MGA: variants seen among roughly 807,000 people sequenced by gnomAD.
MGA encodes MAX gene-associated protein.
In MGA, 40 loss-of-function variants were observed where a neutral mutation model predicts 261.1. That is an observed-to-expected ratio of 0.15 (90% CI 0.12 to 0.20). The LOEUF (loss-of-function observed/expected upper bound fraction) is 0.20, where lower values mean the gene tolerates loss of function less well. Ranked by LOEUF, MGA falls within the 10% of genes least tolerant of loss-of-function variation. The probability of loss-of-function intolerance (pLI) is 1.00; values close to 1 mark genes in which losing one functional copy is unlikely to be tolerated. For missense variants in MGA, 3,397 were observed against 3,630.5 expected (o/e 0.94, Z 1.65); for synonymous variants, 1,302 against 1,290.6 (o/e 1.01, Z -0.19).
At chr15:41,726,682 T>C (rs1484472786) in intron 9 of MGA, among the ~76,000 whole-genome samples, 1 of 151,824 alleles carries the variant, frequency 6.6e-6, no homozygotes, top group Non-Finnish European at 1.5e-5. Context: ...TGAGCCAAGA[T>C]TGCGCCATTG....
In MGA at chr15:41,766,305, G is replaced by A. The variant is rs764837875; in HGVS notation, c.8223G>A (p.Glu2741=). 1 of 1,613,870 alleles carries A rather than the reference G, an allele frequency of 6.2e-7. No homozygotes were observed. Among genetic ancestry groups the A allele is most frequent in the South Asian group, 1.1e-5 (1 of 91,052 alleles). ...TTTCCAATATGCAGAAAGCACAAGA[G>A]TTCTTACCTAAAAAGATTTCTGGTG... Residue 2741 remains glutamate (E), a synonymous_variant, in exon 24 of 24, where the codon GAG becomes GAA. Coordinates refer to ENST00000219905, the MANE Select transcript of MGA (RefSeq NM_001164273.2).
chr15:41,653,230 G>A (rs1430614391), intron 1 of MGA, among the ~76,000 whole-genome samples: 1 of 152,022 alleles, frequency 6.6e-6, no homozygotes, highest in East Asian at 1.9e-4. Flanking sequence ...TTAGCAGGGT[G>A]TGGTGGTGGG....
At chr15:41,674,798 G>A (rs532933357) in intron 2 of MGA, among the ~76,000 whole-genome samples, 11 of 152,340 alleles carry the variant, frequency 7.2e-5, no homozygotes, top group African/African-American at 2.2e-4. Flanking sequence ...GATTACAGGC[G>A]TGAGCCACGG....
chr15:41,736,226 C>T lies in MGA; in HGVS notation c.3962C>T (p.Thr1321Ile), dbSNP rs770221164. 8.1e-6 allele frequency: 13 copies of T among 1,609,222 alleles called. No homozygotes were observed. Among genetic ancestry groups the T allele is most frequent in the South Asian group, 1.1e-5 (1 of 90,134 alleles). The change falls in exon 13 of 24, where the codon ACT (threonine) becomes ATT (isoleucine). Residue 1321 changes from threonine (T) to isoleucine (I), a missense_variant. Thr to Ile is a moderately conservative substitution (Grantham distance 89, BLOSUM62 -1). Coordinates refer to ENST00000219905, the MANE Select transcript of MGA (RefSeq NM_001164273.2). ...TGCAATGAAGGAGAATCCTCTTCTA[C>T]TTCTTATATGCATCAGAGGTCACCT...
intron 9 of MGA, among the ~76,000 whole-genome samples, chr15:41,720,010 C>G (rs1291735711): frequency 1.3e-5 from 2 of 152,266 alleles, no homozygotes; most frequent in East Asian, 3.9e-4. Flanking sequence ...TCACTTTCAT[C>G]TGTAATCTTA....
intron 2 of MGA, among the ~76,000 whole-genome samples, chr15:41,678,019 G>C (rs979702993): frequency 6.6e-6 from 1 of 151,568 alleles, no homozygotes; most frequent in Admixed American, 6.6e-5. Context: ...ATTAGAAAGA[G>C]TTTCCCTTAT....
intron 19 of MGA, 200 bp from the exon 20 acceptor site, chr15:41,760,123 A>G: frequency 1.8e-6 from 1 of 566,564 alleles, no homozygotes; most frequent in Non-Finnish European, 3.2e-6. Context: ...TTTAGCATGT[A>G]TTAGAAATTA....
intron 2 of MGA, among the ~76,000 whole-genome samples, chr15:41,694,695 T>A (rs571182416): frequency 1.9e-4 from 29 of 151,858 alleles, no homozygotes; most frequent in Non-Finnish European, 3.4e-4. Context: ...CCCAGCTGAT[T>A]TTTTGTATTT....
intron 11 of MGA, 149 bp from the exon 12 acceptor site, chr15:41,734,373 C>T (rs568417527): frequency 6.3e-5 from 42 of 668,874 alleles, no homozygotes; most frequent in Non-Finnish European, 9.5e-5. Flanking sequence ...ATGATAGTAA[C>T]GTAGATGTGC....
intron 1 of MGA, among the ~76,000 whole-genome samples, chr15:41,631,487 G>A (rs1380939805): frequency 6.6e-6 from 1 of 152,138 alleles, no homozygotes; most frequent in East Asian, 1.9e-4. Context: ...GGGCAACATA[G>A]CGAGACCCTG....
At position 41,766,533 on chromosome 15, in the gene MGA, T is replaced by G. The variant is rs1389373709; in HGVS notation, c.8451T>G (p.Asp2817Glu). The G allele has an allele frequency of 6.8e-6, 11 of 1,613,848 alleles. No homozygotes were observed. The highest frequency in any genetic ancestry group is 9.3e-6 in the Non-Finnish European group (11 of 1,179,900). Residue 2817 changes from aspartate to glutamate, a missense_variant, in exon 24 of 24, where the codon GAT (aspartate) becomes GAG (glutamate). Physicochemically the swap from Asp to Glu is conservative, Grantham distance 45. Transcript: ENST00000219905. ...TGCTGACTAACATGGAAGATGAGGA[T>G]GATACTGATGAGACACTGACTTCAC...
At chr15:41,702,860 G>T (rs2059919644) in intron 5 of MGA, among the ~76,000 whole-genome samples, 1 of 152,090 alleles carries the variant, frequency 6.6e-6, no homozygotes, top group Non-Finnish European at 1.5e-5. Context: ...ATTATTGTCA[G>T]TTTTTTATTA....
chr15:41,716,291 CAAAAAAA>C (rs879551084), intron 9 of MGA, among the ~76,000 whole-genome samples: 8 of 135,328 alleles, frequency 5.9e-5, no homozygotes, highest in African/African-American at 2.2e-4. Flanking sequence ...ACTAAAAATA[CAAAAAAA>C]AAAAAATTAG....
At chr15:41,712,650 G>A (rs1269536968) in intron 8 of MGA, among the ~76,000 whole-genome samples, 1 of 152,096 alleles carries the variant, frequency 6.6e-6, no homozygotes, top group African/African-American at 2.4e-5. Context: ...TTTTATTTAT[G>A]TATTGTCCTA....
intron 1 of MGA, among the ~76,000 whole-genome samples, chr15:41,661,664 C>A (rs1450185203): frequency 6.6e-6 from 1 of 152,184 alleles, no homozygotes; most frequent in African/African-American, 2.4e-5. Flanking sequence ...TGAGAAGTCT[C>A]GAGCCCACCC....
rs557295884 is a variant in MGA, at chr15:41,727,720, A to G, written c.3657+314A>G. On this transcript the variant is annotated intron_variant, in intron 10 of 23. Transcript: ENST00000219905. ...GTATTGTAGAATATTAGTAATCAAT[A>G]TAAGCAGTATATATTATTAGTAGAA... is the stretch of plus-strand genomic sequence containing the variant. 5.8e-4 allele frequency among the ~76,000 whole-genome samples: 89 copies of G among 152,310 alleles called. 2 individuals are homozygous for G. In the South Asian group the frequency reaches 0.012, roughly 20 times the overall value.
chr15:41,742,785 A>C lies in MGA; in HGVS notation c.4825A>C (p.Thr1609Pro). 1 of 1,613,966 alleles carries C rather than the reference A, an allele frequency of 6.2e-7. No homozygotes were observed. The highest frequency in any genetic ancestry group is 2.2e-5 in the East Asian group (1 of 44,886). Reference sequence around the variant, plus strand: ...CACCCCTCAAGTGTTTTTAGAAAATACTACTGCTGTGACACCTATGACTGC... The same window carrying C: ...CACCCCTCAAGTGTTTTTAGAAAATCCTACTGCTGTGACACCTATGACTGC... The change falls in exon 15 of 24, where the codon ACT (threonine) becomes CCT (proline). Residue 1609 changes from threonine (T) to proline (P), a missense_variant. Physicochemically the swap from Thr to Pro is conservative, Grantham distance 38. This residue lies in a region of MGA where 1,410 missense variants were observed against 1,386.4 expected (regional missense o/e 1.02). Coordinates refer to ENST00000219905, the MANE Select transcript of MGA (RefSeq NM_001164273.2).
chr15:41,624,121 G>C (rs2140908311), intron 1 of MGA, among the ~76,000 whole-genome samples: 1 of 150,984 alleles, frequency 6.6e-6, no homozygotes, highest in South Asian at 2.1e-4. Context: ...CTGGAGTGCA[G>C]TGGCATGATC....
chr15:41,641,116 CTT>C (rs1235326163), intron 1 of MGA, among the ~76,000 whole-genome samples: 1 of 152,176 alleles, frequency 6.6e-6, no homozygotes, highest in African/African-American at 2.4e-5. Context: ...TGATCAGACT[CTT>C]TAGCATGTTT....
Sources: gnomAD v4.1 joint callset for allele counts (sites outside exome capture counted in the v4.1 genomes callset) on GRCh38, gnomAD v4.1.1 for gene constraint, gnomAD v4.1.1 regional missense constraint, MANE v1.5 for transcripts, NCBI Gene and HGNC (gene_info 2026-07-23, HGNC 2026-07-21) for gene names.